RBMS3: variants seen among roughly 807,000 people sequenced by gnomAD.
The protein encoded by RBMS3 is RNA binding motif single stranded interacting protein 3.
Under a neutral mutation model 66.8 loss-of-function variants are expected in RBMS3, and 27 were observed. The observed-to-expected ratio is 0.40, with a 90% confidence interval of 0.30 to 0.56. The LOEUF (loss-of-function observed/expected upper bound fraction) is 0.56, where lower values mean the gene tolerates loss of function less well. Ranked by LOEUF, RBMS3 falls within the 20% of genes least tolerant of loss-of-function variation. The probability of loss-of-function intolerance (pLI) is 0.40; values close to 1 mark genes in which losing one functional copy is unlikely to be tolerated. For synonymous variants in RBMS3, 188 were observed against 183.0 expected (o/e 1.03, Z -0.22); for missense variants, 513 against 549.5 (o/e 0.93, Z 0.66).
At chr3:29,579,720 T>C (rs972204827) in intron 3 of RBMS3, among the ~76,000 whole-genome samples, 7 of 152,224 alleles carry the variant, frequency 4.6e-5, no homozygotes, top group African/African-American at 1.7e-4. Context: ...TATTTGTATA[T>C]TTGAACACTG....
chr3:29,678,023 A>G (rs1251425039), intron 4 of RBMS3, among the ~76,000 whole-genome samples: 1 of 152,186 alleles, frequency 6.6e-6, no homozygotes. Context: ...AGTATAAATC[A>G]GAATGCTAGC....
chr3:29,355,061 G>A (rs73062174), intron 1 of RBMS3, among the ~76,000 whole-genome samples: 1,566 of 152,130 alleles, frequency 0.01, 9 homozygotes, highest in South Asian at 0.015. Context: ...AGGCATTTTG[G>A]TTCCTGAGCC....
At chr3:29,998,091 G>T (rs896213069) in intron 14 of RBMS3, among the ~76,000 whole-genome samples, 1 of 152,152 alleles carries the variant, frequency 6.6e-6, no homozygotes, top group Non-Finnish European at 1.5e-5. Flanking sequence ...CAAAATCAAT[G>T]TACAAAAATC....
At chr3:29,289,381 A>T (rs1575474541) in intron 1 of RBMS3, among the ~76,000 whole-genome samples, 1 of 151,758 alleles carries the variant, frequency 6.6e-6, no homozygotes, top group Non-Finnish European at 1.5e-5. Context: ...GAGTTTAGGA[A>T]CTCCTCAAAT....
rs1553602317 is a variant in RBMS3, at chr3:29,431,301, C to CTTTTCTTT, written c.76-3438_76-3437insCTTTTTTT. Among the ~76,000 whole-genome samples the CTTTTCTTT allele has an allele frequency of 9.8e-5, 13 of 132,400 alleles. 1 individual carries two copies. Among genetic ancestry groups the CTTTTCTTT allele is most frequent in the Admixed American group, 3.2e-4 (4 of 12,418 alleles). 86.9% of individuals were successfully genotyped at this position (132,400 alleles called of 152,430 possible). A position where few individuals can be genotyped will look rare whatever the true frequency, so the allele number is the denominator to read the frequency against. On this transcript the variant is annotated intron_variant, in intron 1 of 14. Coordinates refer to ENST00000383767, the MANE Select transcript of RBMS3 (RefSeq NM_001003793.3). ...TGTTTCTTTCTTTCTTTTTCCTTTT[C>CTTTTCTTT]TTTTTTTTTTTTGACAGAGTCTCAC...
In RBMS3 at chr3:29,582,995, C is replaced by G. The variant is rs543211203; in HGVS notation, c.308-4119C>G. On this transcript the variant is annotated intron_variant, in intron 3 of 14. Transcript: ENST00000383767. ...GATATTTCTGATTTGGTAGCTTATCCCCTATTTTTAATTTTATTTATGAAG... is the reference window on the plus strand; with the variant it reads ...GATATTTCTGATTTGGTAGCTTATCGCCTATTTTTAATTTTATTTATGAAG... Among the ~76,000 whole-genome samples the G allele has an allele frequency of 2.0e-5, 3 of 152,016 alleles. No individual in the cohort carries two copies. In the East Asian group the frequency reaches 5.8e-4, roughly 29 times the overall value.
At chr3:29,829,176 C>T (rs2058297229) in intron 6 of RBMS3, among the ~76,000 whole-genome samples, 1 of 152,044 alleles carries the variant, frequency 6.6e-6, no homozygotes. Flanking sequence ...TCCCGAGTAG[C>T]TGAGACTACA....
At chr3:29,569,946 A>G in intron 3 of RBMS3, among the ~76,000 whole-genome samples, 1 of 146,536 alleles carries the variant, frequency 6.8e-6, no homozygotes, top group East Asian at 2.0e-4. Flanking sequence ...ATGGGATTAT[A>G]GAGATCCATA....
chr3:29,350,161 GA>G (rs11401285), intron 1 of RBMS3, among the ~76,000 whole-genome samples: 25,441 of 136,030 alleles, frequency 0.19, 2,260 homozygotes, highest in Admixed American at 0.26. Flanking sequence ...AACTCCATCT[GA>G]AAAAAAAAAA....
At chr3:29,728,847 G>T (rs994459863) in intron 4 of RBMS3, among the ~76,000 whole-genome samples, 1 of 151,974 alleles carries the variant, frequency 6.6e-6, no homozygotes, top group Non-Finnish European at 1.5e-5. Flanking sequence ...CACATAAAAT[G>T]CATATGGCTT....
intron 6 of RBMS3, among the ~76,000 whole-genome samples, chr3:29,828,268 C>T (rs1326856607): frequency 1.3e-5 from 2 of 152,128 alleles, no homozygotes; most frequent in African/African-American, 4.8e-5. Flanking sequence ...TCTGGTGGCT[C>T]TTTCCTTCCC....
chr3:29,469,923 A>G (rs1466651407), intron 2 of RBMS3, among the ~76,000 whole-genome samples: 1 of 148,354 alleles, frequency 6.7e-6, no homozygotes, highest in Non-Finnish European at 1.5e-5. Context: ...TTTAATACTC[A>G]TGTATATATA....
intron 4 of RBMS3, among the ~76,000 whole-genome samples, chr3:29,671,324 G>A (rs2050991792): frequency 6.6e-6 from 1 of 152,222 alleles, no homozygotes; most frequent in South Asian, 2.1e-4. Context: ...AAGATGGGGA[G>A]AAACCAGAGC....
intron 1 of RBMS3, among the ~76,000 whole-genome samples, chr3:29,299,334 G>C (rs1489400211): frequency 6.6e-6 from 1 of 151,896 alleles, no homozygotes; most frequent in Admixed American, 6.6e-5. Flanking sequence ...ATGACAGAAA[G>C]GCTTTAAGAG....
intron 1 of RBMS3, among the ~76,000 whole-genome samples, chr3:29,408,670 A>T (rs945976703): frequency 6.6e-6 from 1 of 152,306 alleles, no homozygotes; most frequent in Middle Eastern, 3.4e-3. Flanking sequence ...AAATCATAAA[A>T]TGAGTTTACA....
At chr3:29,328,466 C>A (rs2035467692) in intron 1 of RBMS3, among the ~76,000 whole-genome samples, 2 of 152,154 alleles carry the variant, frequency 1.3e-5, no homozygotes, top group Non-Finnish European at 2.9e-5. Flanking sequence ...CCCACCCAAC[C>A]CTTCATCCCA....
chr3:29,892,300 G>A (rs1013901119), intron 8 of RBMS3, among the ~76,000 whole-genome samples: 5 of 151,458 alleles, frequency 3.3e-5, no homozygotes, highest in African/African-American at 1.2e-4. Flanking sequence ...TTGTTCATGT[G>A]AAAGAAACCC....
intron 3 of RBMS3, among the ~76,000 whole-genome samples, chr3:29,573,450 G>A (rs1310541673): frequency 1.3e-5 from 2 of 151,848 alleles, no homozygotes; most frequent in Non-Finnish European, 1.5e-5. Flanking sequence ...TCTTTATTTA[G>A]GTTGTCTTCC....
At chr3:29,679,768 G>GTATATATATATATATATA (rs34934611) in intron 4 of RBMS3, among the ~76,000 whole-genome samples, 2,225 of 145,082 alleles carry the variant, frequency 0.015, 53 homozygotes, top group African/African-American at 0.055. Flanking sequence ...CTACTTGACT[G>GTATATATATATATATATA]TATATATATA....
Sources: gnomAD v4.1 joint callset for allele counts (sites outside exome capture counted in the v4.1 genomes callset) on GRCh38, gnomAD v4.1.1 for gene constraint, MANE v1.5 for transcripts, NCBI Gene and HGNC (gene_info 2026-07-23, HGNC 2026-07-21) for gene names.